Variants in CCL2 observed in about 807,000 individuals in gnomAD.
CCL2 encodes C-C motif chemokine ligand 2.
Under a neutral mutation model 6.7 loss-of-function variants are expected in CCL2, and 2 were observed. The observed-to-expected ratio is 0.30, with a 90% CI of 0.12 to 0.94. CCL2 has a LOEUF of 0.94. CCL2 is among the 40% of genes least tolerant of loss of function. CCL2 has a pLI of 0.54. For synonymous variants in CCL2, 43 were observed against 45.2 expected, an observed-to-expected ratio of 0.95 and a Z score of 0.19; for missense variants, 89 against 119.3, an observed-to-expected ratio of 0.75 and a Z score of 1.18.
intron 2 of CCL2, 111 bp downstream of exon 2, chr17:34,256,450 G>A (rs775202538): frequency 4.1e-5 from 31 of 758,354 alleles, no homozygotes; most frequent in Admixed American, 7.0e-5. Flanking sequence ...AATGTACAAA[G>A]GTTCCCAATG....
rs1408319284 is a variant in CCL2 at position 34,255,358 on chromosome 17, C to T, written c.9C>T (p.Val3=). The T allele has an allele frequency of 2.5e-6, 4 of 1,613,966 alleles. No individual in the cohort carries two copies. Among genetic ancestry groups the T allele is most frequent in the East Asian group, 4.5e-5 (2 of 44,862 alleles). The part of the protein sequence containing the change: MK[V]SAALLCLLLI... ...GCACTCTCGCCTCCAGCATGAAAGT[C>T]TCTGCCGCCCTTCTGTGCCTGCTGC... The change falls in exon 1 of 3, where the codon GTC becomes GTT. Residue 3 remains valine, a synonymous_variant. Transcript: ENST00000225831.
Position 34,256,812 on chromosome 17 carries a change from A to G in CCL2, c.285A>G (p.Gln95=). The G allele has an allele frequency of 1.2e-6, 2 of 1,612,702 alleles. No homozygotes were observed. The highest frequency in any genetic ancestry group is 1.7e-6 in the Non-Finnish European group (2 of 1,178,790). ...DSMDHLDKQT[Q]TPKT ...TGGACCACCTGGACAAGCAAACCCA[A>G]ACTCCGAAGACTTGAACACTCACTC... The change falls in exon 3 of 3, where the codon CAA becomes CAG. Residue 95 remains glutamine (Q), a synonymous_variant. Transcript: ENST00000225831.
intron 1 of CCL2, 107 bp downstream of exon 1, chr17:34,255,532 C>G: frequency 1.0e-6 from 1 of 974,214 alleles, no homozygotes; most frequent in Non-Finnish European, 1.6e-6. Context: ...CGCTACTTTT[C>G]CAAGATAAGG....
rs745310326 is a variant in CCL2, at chr17:34,256,701, C to T, written c.195-21C>T. 139 of 1,558,660 alleles carry T rather than the reference C, an allele frequency of 8.9e-5. No individual in the cohort carries two copies. The Admixed American group carries it at 2.3e-3, about 26-fold the overall frequency. On this transcript the variant is annotated intron_variant, in intron 2 of 2. Transcript: ENST00000225831. The stretch of plus-strand genomic sequence containing the variant: ...AAAACTGCAAAGGAACTTCATCTAA[C>T]TCTGTCCTCCCTCCCCACAGCTTCA...
chr17:34,256,397 C>G, intron 2 of CCL2, 58 bp downstream of exon 2: 7 of 1,144,832 alleles, frequency 6.1e-6, no homozygotes, highest in Non-Finnish European at 9.2e-6. Flanking sequence ...GAGCAAGGGA[C>G]AAGCCTCATA....
In CCL2 at chr17:34,256,279, T is replaced by G; in HGVS notation, c.134T>G (p.Val45Gly). 1 of 1,614,032 alleles carries G rather than the reference T, an allele frequency of 6.2e-7. No homozygotes were observed. Among genetic ancestry groups the G allele is most frequent in the South Asian group, 1.1e-5 (1 of 91,078 alleles). The change falls in exon 2 of 3, where the codon GTG (valine) becomes GGG (glycine). Residue 45 changes from valine to glycine, a missense_variant. Val to Gly is a moderately radical substitution (Grantham distance 109, BLOSUM62 -3). Transcript: ENST00000225831. Reference sequence around the variant, plus strand: ...AACTTCACCAATAGGAAGATCTCAGTGCAGAGGCTCGCGAGCTATAGAAGA... The same window carrying G: ...AACTTCACCAATAGGAAGATCTCAGGGCAGAGGCTCGCGAGCTATAGAAGA... Reference protein sequence around the residue: ...CYNFTNRKISVQRLASYRRIT... With the variant: ...CYNFTNRKISGQRLASYRRIT...
chr17:34,255,291 C>A lies in CCL2; in HGVS notation c.-59C>A. 6.7e-7 allele frequency: 1 copy of A among 1,490,376 alleles called. No individual in the cohort carries two copies. Among genetic ancestry groups the A allele is most frequent in the Non-Finnish European group, 9.3e-7 (1 of 1,072,342 alleles). The allele number at this position is 1,490,376 out of a possible 1,614,324, so 92.3% of individuals were successfully genotyped here. ...GACAGCAGCCAGAGGAACCGAGAGG[C>A]TGAGACTAACCCAGAAACATCCAAT... is the stretch of plus-strand genomic sequence containing the variant. On this transcript the variant is annotated 5_prime_UTR_variant, in exon 1 of 3. In the 5' UTR this introduces an upstream ATG that the reference lacks. Coordinates refer to ENST00000225831, the MANE Select transcript of CCL2 (RefSeq NM_002982.4).
In CCL2 at chr17:34,256,330, A is replaced by G; in HGVS notation, c.185A>G (p.Glu62Gly). The part of the protein sequence containing the change: ...RRITSSKCPK[E>G]AVIFKTIVAK... ...ATCACCAGCAGCAAGTGTCCCAAAG[A>G]AGCTGTGATGTGAGTTCAGCACACC... Residue 62 changes from glutamate to glycine, a missense_variant, in exon 2 of 3, where the codon GAA becomes GGA. Coordinates refer to ENST00000225831, the MANE Select transcript of CCL2 (RefSeq NM_002982.4). 15 of 1,610,720 alleles carry G rather than the reference A, an allele frequency of 9.3e-6. No homozygotes were observed. Among genetic ancestry groups the G allele is most frequent in the Non-Finnish European group, 1.3e-5 (15 of 1,176,940 alleles).
In CCL2 at chr17:34,255,356, G is replaced by A. The variant is rs1907652476; in HGVS notation, c.7G>A (p.Val3Ile). The change falls in exon 1 of 3, where the codon GTC (valine) becomes ATC (isoleucine). Residue 3 changes from valine to isoleucine, a missense_variant. Val to Ile is a conservative substitution (Grantham distance 29). Coordinates refer to ENST00000225831, the MANE Select transcript of CCL2 (RefSeq NM_002982.4). The stretch of plus-strand genomic sequence containing the variant: ...TCGCACTCTCGCCTCCAGCATGAAA[G>A]TCTCTGCCGCCCTTCTGTGCCTGCT... Reference protein sequence around the residue: MKVSAALLCLLLI... With the variant: MKISAALLCLLLI... The A allele has an allele frequency of 6.2e-7, 1 of 1,613,792 alleles. No homozygotes were observed. Among genetic ancestry groups the A allele is most frequent in the Non-Finnish European group, 8.5e-7 (1 of 1,179,936 alleles).
In CCL2 at chr17:34,255,394, C is replaced by T; in HGVS notation, c.45C>T (p.Ala15=). The part of the protein sequence containing the change: ...AALLCLLLIA[A]TFIPQGLAQP... Reference sequence around the variant, plus strand: ...TTCTGTGCCTGCTGCTCATAGCAGCCACCTTCATTCCCCAAGGGCTCGCTC... The same window carrying T: ...TTCTGTGCCTGCTGCTCATAGCAGCTACCTTCATTCCCCAAGGGCTCGCTC... Residue 15 remains alanine (A), a synonymous_variant, in exon 1 of 3, where the codon GCC becomes GCT. Coordinates refer to ENST00000225831, the MANE Select transcript of CCL2 (RefSeq NM_002982.4). 6.2e-7 allele frequency: 1 copy of T among 1,613,972 alleles called. No individual in the cohort carries two copies. The highest frequency in any genetic ancestry group is 8.5e-7 in the Non-Finnish European group (1 of 1,179,924).
chr17:34,256,544 A>C, intron 2 of CCL2, 178 bp from the exon 3 acceptor site: 1 of 615,032 alleles, frequency 1.6e-6, no homozygotes, highest in East Asian at 2.8e-5. Flanking sequence ...CAATTTCTTT[A>C]GCTTGAAGTC....
rs191032356 is a variant in CCL2 at position 34,257,051 on chromosome 17, A to C, written c.*224A>C. The C allele has an allele frequency of 4.1e-4, 167 of 402,642 alleles. 1 individual carries two copies. The Admixed American group carries it at 5.2e-3, about 12-fold the overall frequency. 24.9% of individuals were successfully genotyped at this position (402,642 alleles called of 1,614,324 possible). ...TTGGGGAAATTGCTTTTCCTCTTGA[A>C]CCACAGTTCTACCCCTGGGATGTTT... On this transcript the variant is annotated 3_prime_UTR_variant, in exon 3 of 3. Transcript: ENST00000225831.
chr17:34,256,196 CT>C, intron 1 of CCL2, 25 bp from the exon 2 acceptor site: 1 of 1,486,628 alleles, frequency 6.7e-7, no homozygotes, highest in Non-Finnish European at 9.4e-7. Context: ...TCCTAAAATG[CT>C]TTTTCTTTGT....
chr17:34,256,014 T>C (rs2142195586), intron 1 of CCL2: 1 of 524,594 alleles, frequency 1.9e-6, no homozygotes, highest in Middle Eastern at 4.9e-4. Flanking sequence ...ATCAATGTTA[T>C]ATACCCATTT....
At position 34,256,263 on chromosome 17, in the gene CCL2, A is replaced by C; in HGVS notation, c.118A>C (p.Asn40His). 1 of 1,613,796 alleles carries C rather than the reference A, an allele frequency of 6.2e-7. No homozygotes were observed. The highest frequency in any genetic ancestry group is 8.5e-7 in the Non-Finnish European group (1 of 1,179,738). Residue 40 changes from asparagine to histidine, a missense_variant, in exon 2 of 3, where the codon AAT becomes CAT. Transcript: ENST00000225831. ...APVTCCYNFTNRKISVQRLAS... is the reference protein window; with the variant it reads ...APVTCCYNFTHRKISVQRLAS... Reference sequence around the variant, plus strand: ...AGTCACCTGCTGTTATAACTTCACCAATAGGAAGATCTCAGTGCAGAGGCT... The same window carrying C: ...AGTCACCTGCTGTTATAACTTCACCCATAGGAAGATCTCAGTGCAGAGGCT...
At position 34,256,870 on chromosome 17, in the gene CCL2, C is replaced by T. The variant is rs868475569; in HGVS notation, c.*43C>T. 1 of 1,280,012 alleles carries T rather than the reference C, an allele frequency of 7.8e-7. No individual in the cohort carries two copies. Among genetic ancestry groups the T allele is most frequent in the Non-Finnish European group, 1.1e-6 (1 of 882,750 alleles). The allele number at this position is 1,280,012 out of a possible 1,614,324, so 79.3% of individuals were successfully genotyped here. A position where few individuals can be genotyped will look rare whatever the true frequency, so the allele number is the denominator to read the frequency against. ...CAAGAATCTGCAGCTAACTTATTTT[C>T]CCCTAGCTTTCCCCAGACACCCTGT... On this transcript the variant is annotated 3_prime_UTR_variant, in exon 3 of 3. Coordinates refer to ENST00000225831, the MANE Select transcript of CCL2 (RefSeq NM_002982.4).
intron 1 of CCL2, chr17:34,255,994 T>C: frequency 2.2e-6 from 1 of 450,902 alleles, no homozygotes; most frequent in East Asian, 3.8e-5. Context: ...CCTCCTTCTC[T>C]CTGTCCATTA....
intron 2 of CCL2, 160 bp from the exon 3 acceptor site, chr17:34,256,562 C>A: frequency 1.6e-6 from 1 of 620,452 alleles, no homozygotes; most frequent in East Asian, 2.7e-5. Context: ...GTCAGGATGG[C>A]TCCACCTGGA....
chr17:34,255,855 G>A, intron 1 of CCL2: 1 of 273,012 alleles, frequency 3.7e-6, no homozygotes, highest in Non-Finnish European at 6.9e-6. Context: ...TCATGACCAG[G>A]CATAGCCTAT....
Sources: gnomAD v4.1 joint callset for allele counts on GRCh38, gnomAD v4.1.1 for gene constraint, MANE v1.5 for transcripts, NCBI Gene and HGNC (gene_info 2026-07-23, HGNC 2026-07-21) for gene names.